DEPDC1B: variants seen among roughly 807,000 people sequenced by gnomAD.
The protein encoded by DEPDC1B is DEP domain containing 1B.
Under a neutral mutation model 66.5 loss-of-function variants are expected in DEPDC1B, and 51 were observed. That is an observed-to-expected ratio of 0.77 (90% CI 0.61 to 0.97). DEPDC1B has a LOEUF of 0.97. Among genes scored for constraint, DEPDC1B ranks in the 50% least tolerant of loss-of-function variants. The probability of loss-of-function intolerance (pLI) is 0.00; values close to 1 mark genes in which losing one functional copy is unlikely to be tolerated. For missense variants in DEPDC1B, 552 were observed against 637.1 expected, an observed-to-expected ratio of 0.87 and a Z score of 1.44; for synonymous variants, 226 against 223.6, an observed-to-expected ratio of 1.01 and a Z score of -0.10.
rs546013149 is a variant in DEPDC1B at position 60,653,272 on chromosome 5, T to A, written c.315-5739A>T. 6.2e-4 allele frequency among the ~76,000 whole-genome samples: 92 copies of A among 149,202 alleles called. 2 individuals carry two copies. Among genetic ancestry groups the A allele is most frequent in the Non-Finnish European group, 1.3e-4 (9 of 67,846 alleles). Reference sequence around the variant, plus strand: ...TTTTTGCCACATCCATTTCAACATCTTTTTATTTTTAATGGTCATTCTTGC... The same window carrying A: ...TTTTTGCCACATCCATTTCAACATCATTTTATTTTTAATGGTCATTCTTGC... On this transcript the variant is annotated intron_variant, in intron 2 of 10. Coordinates refer to ENST00000265036, the MANE Select transcript of DEPDC1B (RefSeq NM_018369.3).
intron 9 of DEPDC1B, among the ~76,000 whole-genome samples, chr5:60,601,148 C>T (rs1371282954): frequency 6.6e-6 from 1 of 152,198 alleles, no homozygotes; most frequent in Admixed American, 6.5e-5. Flanking sequence ...TCAATGAAAC[C>T]TCTTTCCTTT....
At chr5:60,642,565 G>A (rs1227797956) in intron 6 of DEPDC1B, among the ~76,000 whole-genome samples, 1 of 152,142 alleles carries the variant, frequency 6.6e-6, no homozygotes, top group Non-Finnish European at 1.5e-5. Flanking sequence ...CTGTGATGAA[G>A]CAATTAGAAC....
In DEPDC1B at chr5:60,693,576, G is replaced by A. The variant is rs185728875; in HGVS notation, c.49-6349C>T. ...ATAAGGTTCAATCTATTCTAGAGCT[G>A]GAAAAAATCTTTGGGACAAAATCAA... On this transcript the variant is annotated intron_variant, in intron 1 of 10. Coordinates refer to ENST00000265036, the MANE Select transcript of DEPDC1B (RefSeq NM_018369.3). Among the ~76,000 whole-genome samples the A allele has an allele frequency of 2.6e-5, 4 of 152,166 alleles. No homozygotes were observed. In the East Asian group the frequency reaches 7.7e-4, roughly 29 times the overall value.
Position 60,618,912 on chromosome 5 carries a change from C to A in DEPDC1B, c.899-13056G>T, listed in dbSNP as rs574625870. Among the ~76,000 whole-genome samples, 18 of 152,292 alleles carry A rather than the reference C, an allele frequency of 1.2e-4. No individual in the cohort carries two copies. The South Asian group carries it at 3.3e-3, about 28-fold the overall frequency. On this transcript the variant is annotated intron_variant, in intron 7 of 10. Transcript: ENST00000265036. Reference sequence around the variant, plus strand: ...CAATAAAGTACTGGCAAACCGAATCCAGCAGCACATCAAAAAGCTGATCCA... The same window carrying A: ...CAATAAAGTACTGGCAAACCGAATCAAGCAGCACATCAAAAAGCTGATCCA...
At chr5:60,667,599 TA>T (rs1753881076) in intron 2 of DEPDC1B, among the ~76,000 whole-genome samples, 1 of 143,942 alleles carries the variant, frequency 6.9e-6, no homozygotes, top group Non-Finnish European at 1.5e-5. Flanking sequence ...TAAAAATGGA[TA>T]TTTTACATAT....
At chr5:60,614,295 T>G (rs1392488197) in intron 7 of DEPDC1B, among the ~76,000 whole-genome samples, 1 of 152,114 alleles carries the variant, frequency 6.6e-6, no homozygotes, top group African/African-American at 2.4e-5. Flanking sequence ...TTTCTGTGAG[T>G]TTTGGGGTGT....
intron 2 of DEPDC1B, among the ~76,000 whole-genome samples, chr5:60,653,316 C>T (rs1173591636): frequency 6.8e-6 from 1 of 147,724 alleles, no homozygotes; most frequent in African/African-American, 2.6e-5. Context: ...AGTGGTATCA[C>T]ATTGCGGTTT....
At chr5:60,655,674 GTTC>G (rs1417097838) in intron 2 of DEPDC1B, among the ~76,000 whole-genome samples, 1 of 148,866 alleles carries the variant, frequency 6.7e-6, no homozygotes, top group Non-Finnish European at 1.5e-5. Flanking sequence ...GTTTTGGTTT[GTTC>G]TTCTTTCTCT....
chr5:60,603,070 C>A (rs1209421851), intron 9 of DEPDC1B, among the ~76,000 whole-genome samples: 1 of 152,102 alleles, frequency 6.6e-6, no homozygotes, highest in African/African-American at 2.4e-5. Flanking sequence ...GGTCACAGGG[C>A]AATTATGAAT....
At chr5:60,670,830 C>T (rs1754018347) in intron 2 of DEPDC1B, among the ~76,000 whole-genome samples, 1 of 152,080 alleles carries the variant, frequency 6.6e-6, no homozygotes, top group Non-Finnish European at 1.5e-5. Flanking sequence ...TGACAGGGGA[C>T]ATAGTAAGGG....
intron 2 of DEPDC1B, among the ~76,000 whole-genome samples, chr5:60,683,433 AAAAG>A (rs1405490531): frequency 1.3e-5 from 2 of 152,200 alleles, no homozygotes; most frequent in East Asian, 3.8e-4. Context: ...CCCTGTCTCA[AAAAG>A]AAAGAGAGAA....
chr5:60,700,138 C>T lies in DEPDC1B; in HGVS notation c.-45G>A. 1 of 1,527,684 alleles carries T rather than the reference C, an allele frequency of 6.5e-7. No individual in the cohort carries two copies. Among genetic ancestry groups the T allele is most frequent in the Non-Finnish European group, 8.8e-7 (1 of 1,141,276 alleles). 94.6% of individuals were successfully genotyped at this position (1,527,684 alleles called of 1,614,324 possible). A position where few individuals can be genotyped will look rare whatever the true frequency, so the allele number is the denominator to read the frequency against. On this transcript the variant is annotated 5_prime_UTR_variant, in exon 1 of 11. Coordinates refer to ENST00000265036, the MANE Select transcript of DEPDC1B (RefSeq NM_018369.3). ...CCGCAGCCGCGCCAGCGCTGATCCC[C>T]GCCAGCCGGAGGAGCAGCAGTTTGA...
intron 9 of DEPDC1B, among the ~76,000 whole-genome samples, chr5:60,601,934 G>C (rs1278321524): frequency 6.6e-6 from 1 of 152,174 alleles, no homozygotes. Flanking sequence ...TGTTGGGACA[G>C]ATGTTGAAGC....
At chr5:60,675,896 CTTTT>C (rs1229783413) in intron 2 of DEPDC1B, among the ~76,000 whole-genome samples, 3 of 143,082 alleles carry the variant, frequency 2.1e-5, no homozygotes, top group African/African-American at 8.5e-5. Context: ...TTCTCTGTTT[CTTTT>C]TTCTTTTTTT....
chr5:60,638,574 ACTTT>A (rs1753113359), intron 7 of DEPDC1B, among the ~76,000 whole-genome samples, 172 bp downstream of exon 7: 1 of 152,180 alleles, frequency 6.6e-6, no homozygotes, highest in Non-Finnish European at 1.5e-5. Flanking sequence ...GAGCTTAACC[ACTTT>A]CTTTTACTTC....
chr5:60,684,011 A>G (rs896247036), intron 2 of DEPDC1B, among the ~76,000 whole-genome samples: 4 of 150,476 alleles, frequency 2.7e-5, no homozygotes, highest in Non-Finnish European at 5.9e-5. Flanking sequence ...ACTAGCTACA[A>G]AAAAAAAATA....
chr5:60,623,386 TTTACAGTAAGATACCA>T (rs540917590), intron 7 of DEPDC1B, among the ~76,000 whole-genome samples: 1 of 152,256 alleles, frequency 6.6e-6, no homozygotes, highest in East Asian at 1.9e-4. Context: ...ACAGGAAGAC[TTTACAGTAAGATACCA>T]ATACCACACC....
chr5:60,598,956 T>C (rs1394530653), intron 10 of DEPDC1B, 119 bp downstream of exon 10: 5 of 820,388 alleles, frequency 6.1e-6, no homozygotes, highest in African/African-American at 1.8e-5. Flanking sequence ...TGAACTAATA[T>C]ACTTAGAAAA....
chr5:60,603,125 T>C (rs201575877), intron 9 of DEPDC1B, among the ~76,000 whole-genome samples: 1 of 152,214 alleles, frequency 6.6e-6, no homozygotes, highest in Non-Finnish European at 1.5e-5. Context: ...AGTAGGTGTA[T>C]GTAGATTCTA....
Sources: gnomAD v4.1 joint callset for allele counts (sites outside exome capture counted in the v4.1 genomes callset) on GRCh38, gnomAD v4.1.1 for gene constraint, MANE v1.5 for transcripts, NCBI Gene and HGNC (gene_info 2026-07-23, HGNC 2026-07-21) for gene names.